Variants in ASPH observed in about 807,000 individuals in gnomAD.
ASPH encodes the protein aspartyl/asparaginyl beta-hydroxylase.
A neutral mutation model predicts 118.4 loss-of-function variants in ASPH; 100 were observed. The observed-to-expected ratio is 0.84, with a 90% CI of 0.72 to 1.00. ASPH has a LOEUF of 1.00. ASPH is among the 50% of genes least tolerant of loss of function. ASPH has a pLI of 0.00. For synonymous variants in ASPH, 315 were observed against 325.6 expected, an observed-to-expected ratio of 0.97 and a Z score of 0.35; for missense variants, 920 against 919.5, an observed-to-expected ratio of 1.00 and a Z score of -0.01.
chr8:61,663,952 C>G, intron 3 of ASPH: 1 of 883,230 alleles, frequency 1.1e-6, no homozygotes, highest in Non-Finnish European at 1.4e-6. Flanking sequence ...GATCAAAAAT[C>G]TCGTTTTTAA....
chr8:61,550,332 G>A (rs1255655999), intron 20 of ASPH, among the ~76,000 whole-genome samples: 1 of 151,996 alleles, frequency 6.6e-6, no homozygotes, highest in African/African-American at 2.4e-5. Context: ...TGGGACACAG[G>A]GGCAGTAAGA....
intron 22 of ASPH, among the ~76,000 whole-genome samples, chr8:61,520,737 G>A (rs1458453343): frequency 6.6e-6 from 1 of 152,180 alleles, no homozygotes; most frequent in Non-Finnish European, 1.5e-5. Flanking sequence ...TGAGCTCTGT[G>A]CTGTCCAGGC....
chr8:61,514,411 T>C (rs1421487221), intron 24 of ASPH, among the ~76,000 whole-genome samples: 1 of 151,946 alleles, frequency 6.6e-6, no homozygotes, highest in Non-Finnish European at 1.5e-5. Context: ...TCCTGGGCAA[T>C]TTTTTAAAAG....
At chr8:61,648,108 C>T (rs1302311427) in intron 5 of ASPH, among the ~76,000 whole-genome samples, 1 of 152,170 alleles carries the variant, frequency 6.6e-6, no homozygotes, top group Non-Finnish European at 1.5e-5. Flanking sequence ...TACTTAACTA[C>T]CCTGTGCCAC....
At chr8:61,638,043 T>G (rs772569861) in intron 11 of ASPH, 40 bp from the exon 12 acceptor site, 17 of 1,557,334 alleles carry the variant, frequency 1.1e-5, no homozygotes, top group Non-Finnish European at 1.4e-5. Context: ...TACATGTTGC[T>G]GACCAGTGAC....
rs1210133190 is a variant in ASPH at position 61,500,620 on chromosome 8, C to CAA, written c.*2737_*2738dup. ...GAAATGGAGTCCCCAACTACTCATTCAAAAGAAATCAGACATAAAATAAAC... is the reference window on the plus strand; with the variant it reads ...GAAATGGAGTCCCCAACTACTCATTCAAAAAAGAAATCAGACATAAAATAAAC... On this transcript the variant is annotated 3_prime_UTR_variant, in exon 25 of 25. Coordinates refer to ENST00000379454, the MANE Select transcript of ASPH (RefSeq NM_004318.4). 6.9e-6 allele frequency: 1 copy of CAA among 144,130 alleles called. No individual in the cohort carries two copies. The highest frequency in any genetic ancestry group is 1.5e-5 in the Non-Finnish European group (1 of 67,332). 8.9% of individuals were successfully genotyped at this position (144,130 alleles called of 1,614,324 possible).
intron 3 of ASPH, among the ~76,000 whole-genome samples, chr8:61,679,942 TAA>T (rs1334197757): frequency 1.5e-5 from 1 of 67,742 alleles, no homozygotes; most frequent in South Asian, 4.3e-4. Flanking sequence ...TGGGCAATAA[TAA>T]AAAAAAAAAA....
intron 1 of ASPH, among the ~76,000 whole-genome samples, chr8:61,695,386 T>A (rs954495185): frequency 1.3e-5 from 2 of 152,200 alleles, no homozygotes; most frequent in Non-Finnish European, 2.9e-5. Flanking sequence ...GTGGCTCCAG[T>A]CTTAGTGTTG....
intron 13 of ASPH, among the ~76,000 whole-genome samples, chr8:61,627,510 G>T (rs766976134): frequency 3.3e-5 from 5 of 152,072 alleles, no homozygotes; most frequent in African/African-American, 7.2e-5. Flanking sequence ...TAACGGGTAC[G>T]AGTATATATG....
At chr8:61,686,396 T>C (rs1409729345) in intron 1 of ASPH, among the ~76,000 whole-genome samples, 1 of 151,958 alleles carries the variant, frequency 6.6e-6, no homozygotes, top group Non-Finnish European at 1.5e-5. Flanking sequence ...GTTGTAAGCA[T>C]ATAAAAAGAA....
At chr8:61,609,720 C>A (rs1846716156) in intron 14 of ASPH, among the ~76,000 whole-genome samples, 1 of 152,170 alleles carries the variant, frequency 6.6e-6, no homozygotes, top group South Asian at 2.1e-4. Flanking sequence ...CCAAATGCCA[C>A]TGGACCTACC....
intron 14 of ASPH, among the ~76,000 whole-genome samples, chr8:61,612,173 G>T (rs1310549185): frequency 6.6e-6 from 1 of 152,076 alleles, no homozygotes; most frequent in Non-Finnish European, 1.5e-5. Context: ...AACAGACATG[G>T]AATCTTAATA....
intron 2 of ASPH, among the ~76,000 whole-genome samples, chr8:61,682,839 AC>A (rs1828786133): frequency 1.3e-5 from 2 of 152,250 alleles, no homozygotes; most frequent in Admixed American, 1.3e-4. Flanking sequence ...AGGGGATATC[AC>A]CCATGCAACA....
chr8:61,583,097 C>G (rs2132489573), intron 15 of ASPH: 1 of 152,070 alleles, frequency 6.6e-6, no homozygotes, highest in South Asian at 2.1e-4. Flanking sequence ...ATAAGGTACC[C>G]TGAAAACTGG....
At chr8:61,579,189 C>T in intron 15 of ASPH, 1 of 1,612,898 alleles carries the variant, frequency 6.2e-7, no homozygotes, top group Non-Finnish European at 8.5e-7. Flanking sequence ...GATTGAGGGC[C>T]TCAAAGGCCA....
intron 1 of ASPH, among the ~76,000 whole-genome samples, chr8:61,702,857 C>T (rs944472430): frequency 4.1e-4 from 63 of 151,904 alleles, no homozygotes; most frequent in African/African-American, 1.2e-3. Context: ...GGAGAAAAAC[C>T]AAATATATAA....
Position 61,556,914 on chromosome 8 carries a change from C to T in ASPH, c.1438-892G>A, listed in dbSNP as rs1187450724. ...GGGTTACACAGAAGGATCAAGTGTACACGCAGGGGACACCAGGCCCTCGGG... is the reference window on the plus strand; with the variant it reads ...GGGTTACACAGAAGGATCAAGTGTATACGCAGGGGACACCAGGCCCTCGGG... On this transcript the variant is annotated intron_variant, in intron 18 of 24. Transcript: ENST00000379454. 2.6e-5 allele frequency among the ~76,000 whole-genome samples: 4 copies of T among 152,230 alleles called. 1 individual carries two copies. Among genetic ancestry groups the T allele is most frequent in the Admixed American group, 2.6e-4 (4 of 15,286 alleles).
chr8:61,648,344 C>A (rs1354755459), intron 5 of ASPH, among the ~76,000 whole-genome samples: 2 of 152,178 alleles, frequency 1.3e-5, no homozygotes. Context: ...CGTGGCAAGG[C>A]AATGCTCTCA....
chr8:61,698,749 T>A (rs568568927), intron 1 of ASPH, among the ~76,000 whole-genome samples: 1 of 152,262 alleles, frequency 6.6e-6, no homozygotes, highest in East Asian at 1.9e-4. Flanking sequence ...CTCTTAAGAC[T>A]CTGGGAGACC....
Sources: allele counts gnomAD v4.1 joint callset (sites outside exome capture counted in the v4.1 genomes callset), GRCh38; gene constraint gnomAD v4.1.1; transcripts MANE v1.5; gene names NCBI Gene and HGNC (gene_info 2026-07-23, HGNC 2026-07-21).